The following RFTN1 variants were observed in gnomAD, a reference collection of about 807,000 sequenced individuals.
RFTN1 encodes the protein raftlin, lipid raft linker 1.
Under a neutral mutation model 46.5 loss-of-function variants are expected in RFTN1, and 26 were observed. The observed-to-expected ratio is 0.56, with a 90% CI of 0.41 to 0.78. The LOEUF (loss-of-function observed/expected upper bound fraction) is 0.78. RFTN1 is among the 30% of genes least tolerant of loss of function. The pLI, the probability that RFTN1 is intolerant of heterozygous loss-of-function variation, is 0.00. For missense variants in RFTN1, 693 were observed against 718.7 expected, an observed-to-expected ratio of 0.96 and a Z score of 0.41; for synonymous variants, 261 against 284.2, an observed-to-expected ratio of 0.92 and a Z score of 0.82.
In RFTN1 at chr3:16,346,760, G is replaced by A. The variant is rs1013674360; in HGVS notation, c.1146+11172C>T. 3.9e-5 allele frequency among the ~76,000 whole-genome samples: 6 copies of A among 152,152 alleles called. No homozygotes were observed. Among genetic ancestry groups the A allele is most frequent in the African/African-American group, 1.4e-4 (6 of 41,428 alleles). On this transcript the variant is annotated intron_variant, in intron 7 of 9. Transcript: ENST00000334133. The surrounding 1 kb of genome is among the most constrained non-coding windows in gnomAD (Gnocchi z 4.4). ...AGGAAAAAACTGCCCCGTTCTTCACGGTTGTCATCACATTTGCATGAGACA... is the reference window on the plus strand; with the variant it reads ...AGGAAAAAACTGCCCCGTTCTTCACAGTTGTCATCACATTTGCATGAGACA...
chr3:16,319,472 A>C (rs1295241550), intron 9 of RFTN1, among the ~76,000 whole-genome samples: 1 of 152,208 alleles, frequency 6.6e-6, no homozygotes, highest in African/African-American at 2.4e-5. Flanking sequence ...GCTGCGGTGC[A>C]CACCTCCAGG....
At chr3:16,323,774 AG>A (rs1381541766) in intron 8 of RFTN1, among the ~76,000 whole-genome samples, 5 of 152,246 alleles carry the variant, frequency 3.3e-5, no homozygotes, top group Non-Finnish European at 7.3e-5. Context: ...TGGATCTCAA[AG>A]GGGCAGGGGC....
At chr3:16,439,863 CG>C (rs2125508559) in intron 2 of RFTN1, among the ~76,000 whole-genome samples, 1 of 152,180 alleles carries the variant, frequency 6.6e-6, no homozygotes, top group Admixed American at 6.5e-5. Context: ...GCCTGCCCAG[CG>C]GTGGGAGAGA....
rs182570704 is a variant in RFTN1, at chr3:16,355,639, C to A, written c.1146+2293G>T. 2.0e-5 allele frequency among the ~76,000 whole-genome samples: 3 copies of A among 152,358 alleles called. No individual in the cohort carries two copies. The East Asian group carries it at 5.8e-4, about 29-fold the overall frequency. ...TACAGTTCCCACATGGGAGTGGCAT[C>A]TATACCCGCCCTGGTTCTTAAAATG... is the stretch of plus-strand genomic sequence containing the variant. On this transcript the variant is annotated intron_variant, in intron 7 of 9. Coordinates refer to ENST00000334133, the MANE Select transcript of RFTN1 (RefSeq NM_015150.2).
intron 2 of RFTN1, among the ~76,000 whole-genome samples, chr3:16,469,300 T>C (rs6766596): frequency 0.26 from 39,073 of 152,120 alleles, 6,109 homozygotes; most frequent in African/African-American, 0.43. Flanking sequence ...GCGTGACTGG[T>C]ATATATTAGG....
At chr3:16,362,787 G>T (rs543425990) in intron 6 of RFTN1, among the ~76,000 whole-genome samples, 1 of 152,150 alleles carries the variant, frequency 6.6e-6, no homozygotes, top group South Asian at 2.1e-4. Context: ...ATTATATGAT[G>T]GTGTTTAGCC....
intron 4 of RFTN1, among the ~76,000 whole-genome samples, chr3:16,390,545 C>T (rs951156536): frequency 1.3e-5 from 2 of 152,232 alleles, no homozygotes; most frequent in East Asian, 1.9e-4. Flanking sequence ...TGTATGCAAA[C>T]TTAGGCTTAG....
chr3:16,358,006 C>T lies in RFTN1; in HGVS notation c.1072G>A (p.Ala358Thr). The change falls in exon 7 of 10, where the codon GCT becomes ACT. Residue 358 changes from alanine to threonine, a missense_variant. Coordinates refer to ENST00000334133, the MANE Select transcript of RFTN1 (RefSeq NM_015150.2). ...GTTTTGCTATCTTCTGTGGAAACAGCTTCAAAGATGAATACTCCATCTGTC... is the reference window on the plus strand; with the variant it reads ...GTTTTGCTATCTTCTGTGGAAACAGTTTCAAAGATGAATACTCCATCTGTC... ...GLTDGVFIFE[A>T]VSTEDSKTIQ... The T allele has an allele frequency of 6.3e-7, 1 of 1,592,428 alleles. No individual in the cohort carries two copies. Among genetic ancestry groups the T allele is most frequent in the Non-Finnish European group, 8.6e-7 (1 of 1,168,962 alleles).
In RFTN1 at chr3:16,381,623, A is replaced by G. The variant is rs2125385207; in HGVS notation, c.442-3521T>C. Among the ~76,000 whole-genome samples the G allele has an allele frequency of 6.6e-6, 1 of 152,316 alleles. No homozygotes were observed. The highest frequency in any genetic ancestry group is 6.5e-5 in the Admixed American group (1 of 15,298). ...CCTACTCTGCAGAAGGCTTTGAAGGATGAATAAGAGTTCAGCACATATGTA... is the reference window on the plus strand; with the variant it reads ...CCTACTCTGCAGAAGGCTTTGAAGGGTGAATAAGAGTTCAGCACATATGTA... On this transcript the variant is annotated intron_variant, in intron 4 of 9. Transcript: ENST00000334133. The surrounding 1 kb of genome is among the most constrained non-coding windows in gnomAD (Gnocchi z 4.2).
At chr3:16,318,007 C>G (rs544075121) in intron 9 of RFTN1, among the ~76,000 whole-genome samples, 1 of 152,214 alleles carries the variant, frequency 6.6e-6, no homozygotes. Flanking sequence ...CTAAAAACTT[C>G]CAATCTCAGA....
chr3:16,491,778 CA>C lies in RFTN1; in HGVS notation c.145+1946del, dbSNP rs375549645. 4.7e-3 allele frequency among the ~76,000 whole-genome samples: 678 copies of C among 144,868 alleles called. 3 individuals carry two copies. The highest frequency in any genetic ancestry group is 9.2e-3 in the African/African-American group (369 of 39,916). On this transcript the variant is annotated intron_variant, in intron 2 of 9. Coordinates refer to ENST00000334133, the MANE Select transcript of RFTN1 (RefSeq NM_015150.2). ...CAAACAAACAAACAAACAAAACAAA[CA>C]AAAAAAAAAAACAACTGCAAATGGG...
chr3:16,394,856 C>G (rs75456193), intron 4 of RFTN1, among the ~76,000 whole-genome samples: 2,483 of 152,040 alleles, frequency 0.016, 154 homozygotes, highest in East Asian at 0.16. Flanking sequence ...TGACTCAGGA[C>G]AGAATTTCCA....
intron 3 of RFTN1, among the ~76,000 whole-genome samples, chr3:16,415,848 G>A (rs1409613755): frequency 6.6e-6 from 1 of 151,982 alleles, no homozygotes; most frequent in Non-Finnish European, 1.5e-5. Flanking sequence ...ATCCCAAGAG[G>A]GAAACTGAAT....
chr3:16,467,969 T>C (rs892625061), intron 2 of RFTN1, among the ~76,000 whole-genome samples: 4 of 152,182 alleles, frequency 2.6e-5, no homozygotes, highest in Non-Finnish European at 4.4e-5. Context: ...TCGCTCTTAC[T>C]ACTACCCCCA....
rs2346912 is a variant in RFTN1, at chr3:16,512,392, A to G, written c.-9+1050T>C. ...ACATGAGTTGCTGGAAACTGGGGTG[A>G]CCACTGACAGAGATTGAGCCAGACT... On this transcript the variant is annotated intron_variant, in intron 1 of 9. Transcript: ENST00000334133. This position sits in a 1 kb window ranked among gnomAD's most constrained non-coding sequence, Gnocchi z 4.3. Among the ~76,000 whole-genome samples, 83,592 of 151,098 alleles carry G rather than the reference A, an allele frequency of 0.55. 24,399 individuals are homozygous for G. The highest frequency in any genetic ancestry group is 0.74 in the African/African-American group (30,425 of 41,004).
intron 6 of RFTN1, among the ~76,000 whole-genome samples, chr3:16,363,769 T>C (rs1043266494): frequency 1.3e-5 from 2 of 152,014 alleles, no homozygotes; most frequent in African/African-American, 4.8e-5. Flanking sequence ...CTGGACTAGC[T>C]GGCATAACAG....
rs9817227 is a variant in RFTN1, at chr3:16,317,729, C to T, written c.1333-497G>A. ...GGGGCAGACACTGTGCTGTACCGCT[C>T]AGATCCCCCCACAGGACTGGCGGGC... On this transcript the variant is annotated intron_variant, in intron 9 of 9. Transcript: ENST00000334133. This position sits in a 1 kb window ranked among gnomAD's most constrained non-coding sequence, Gnocchi z 4.3. Among the ~76,000 whole-genome samples, 35,774 of 152,054 alleles carry T rather than the reference C, an allele frequency of 0.24. 5,894 individuals are homozygous for T. The highest frequency in any genetic ancestry group is 0.48 in the African/African-American group (19,690 of 41,418).
At chr3:16,420,822 C>T (rs1244876268) in intron 3 of RFTN1, among the ~76,000 whole-genome samples, 2 of 152,220 alleles carry the variant, frequency 1.3e-5, no homozygotes, top group African/African-American at 2.4e-5. Flanking sequence ...TGTTCTCAAA[C>T]TTTAATGTAT....
rs992917989 is a variant in RFTN1 at position 16,336,006 on chromosome 3, G to A, written c.1147-9130C>T. Among the ~76,000 whole-genome samples, 10 of 152,178 alleles carry A rather than the reference G, an allele frequency of 6.6e-5. No individual in the cohort carries two copies. Among genetic ancestry groups the A allele is most frequent in the African/African-American group, 2.4e-4 (10 of 41,442 alleles). The stretch of plus-strand genomic sequence containing the variant: ...GCTGCCTGGGCCCTGCTCAGCACAC[G>A]CTGGCTATAGCGGCACTCGAGGAGG... On this transcript the variant is annotated intron_variant, in intron 7 of 9. Transcript: ENST00000334133. This position sits in a 1 kb window ranked among gnomAD's most constrained non-coding sequence, Gnocchi z 6.0.
Sources: allele counts gnomAD v4.1 joint callset (sites outside exome capture counted in the v4.1 genomes callset), GRCh38; gene constraint gnomAD v4.1.1; non-coding constraint Gnocchi (gnomAD v3.1); transcripts MANE v1.5; gene names NCBI Gene and HGNC (gene_info 2026-07-23, HGNC 2026-07-21).